The following TMEM181 variants were observed in gnomAD, a reference collection of about 807,000 sequenced individuals.
TMEM181 encodes transmembrane protein 181.
In TMEM181, 39 loss-of-function variants were observed where a neutral mutation model predicts 71.9. The observed-to-expected ratio is 0.54, with a 90% confidence interval of 0.42 to 0.71. The LOEUF is 0.71. Ranked by LOEUF, TMEM181 falls within the 30% of genes least tolerant of loss-of-function variation. The probability of loss-of-function intolerance (pLI) is 0.00; values close to 1 mark genes in which losing one functional copy is unlikely to be tolerated. For missense variants in TMEM181, 595 were observed against 583.0 expected (o/e 1.02, Z -0.21); for synonymous variants, 245 against 228.8 (o/e 1.07, Z -0.64).
intron 1 of TMEM181, among the ~76,000 whole-genome samples, chr6:158,563,301 G>A (rs575283442): frequency 6.6e-6 from 1 of 152,250 alleles, no homozygotes; most frequent in African/African-American, 2.4e-5. Context: ...GTGCCACCAT[G>A]CCCGGCTAAT....
At chr6:158,619,737 T>A (rs910078089) in intron 10 of TMEM181, among the ~76,000 whole-genome samples, 3 of 151,884 alleles carry the variant, frequency 2.0e-5, no homozygotes, top group African/African-American at 7.3e-5. Flanking sequence ...GGCGTGATGG[T>A]ACACACCTGT....
intron 10 of TMEM181, among the ~76,000 whole-genome samples, chr6:158,618,280 A>T (rs1297459871): frequency 6.6e-6 from 1 of 151,926 alleles, no homozygotes; most frequent in African/African-American, 2.4e-5. Context: ...AGTTTGTTTT[A>T]TCAGAGACTA....
At chr6:158,626,614 C>G (rs934783650) in intron 13 of TMEM181, 3 of 456,510 alleles carry the variant, frequency 6.6e-6, no homozygotes, top group African/African-American at 6.0e-5. Context: ...GAACTCAGCT[C>G]AGACTTGGAC....
chr6:158,629,948 G>C, intron 15 of TMEM181, 129 bp downstream of exon 15: 3 of 777,100 alleles, frequency 3.9e-6, no homozygotes, highest in African/African-American at 3.4e-5. Context: ...TCTTGGCAGA[G>C]AGAGAGTGAG....
In TMEM181 at chr6:158,631,376, G is replaced by T. The variant is rs200013277; in HGVS notation, c.1336G>T (p.Asp446Tyr). Reference sequence around the variant, plus strand: ...CTCCATGCTGAATGACTCGGATGATGATGTGATTTATGGGTAAGTCCCTGT... The same window carrying T: ...CTCCATGCTGAATGACTCGGATGATTATGTGATTTATGGGTAAGTCCCTGT... ...AFSMLNDSDDDVIYGSDYEEM... is the reference protein window; with the variant it reads ...AFSMLNDSDDYVIYGSDYEEM... The change falls in exon 16 of 17, where the codon GAT (aspartate) becomes TAT (tyrosine). Residue 446 changes from aspartate (D) to tyrosine (Y), a missense_variant. By Grantham distance (160) the Asp-to-Tyr change is radical (BLOSUM62 -3). Transcript: ENST00000684151. 18 of 1,614,094 alleles carry T rather than the reference G, an allele frequency of 1.1e-5. No homozygotes were observed. The highest frequency in any genetic ancestry group is 2.2e-5 in the East Asian group (1 of 44,882).
intron 10 of TMEM181, among the ~76,000 whole-genome samples, chr6:158,621,983 A>AGCGCCCCTCAGAGCCAGCC (rs1785988465): frequency 6.6e-6 from 1 of 152,118 alleles, no homozygotes; most frequent in Admixed American, 6.5e-5. Context: ...AAGGGGCCCA[A>AGCGCCCCTCAGAGCCAGCC]GCGCCCCTCA....
intron 13 of TMEM181, among the ~76,000 whole-genome samples, chr6:158,627,180 ACT>A (rs1044220394): frequency 1.7e-4 from 25 of 148,880 alleles, no homozygotes; most frequent in African/African-American, 5.7e-4. Context: ...ACACACCCTC[ACT>A]CTCACACCCT....
intron 10 of TMEM181, among the ~76,000 whole-genome samples, chr6:158,614,482 A>AATTT (rs760712617): frequency 1.4e-5 from 2 of 146,466 alleles, no homozygotes; most frequent in African/African-American, 2.6e-5. Flanking sequence ...AATCCTATTT[A>AATTT]AAAAAAATTT....
At chr6:158,626,591 C>T in intron 13 of TMEM181, 1 of 456,908 alleles carries the variant, frequency 2.2e-6, no homozygotes, top group South Asian at 1.5e-5. Context: ...TCGTCCACCA[C>T]CACTAGGAGT....
chr6:158,556,269 C>T (rs1203025393), upstream of TMEM181, among the ~76,000 whole-genome samples: 1 of 152,208 alleles, frequency 6.6e-6, no homozygotes, highest in African/African-American at 2.4e-5. Flanking sequence ...CAAGCTGTGC[C>T]AGCAGAGTTC....
At chr6:158,576,652 G>C (rs764869860) in intron 2 of TMEM181, among the ~76,000 whole-genome samples, 1 of 152,066 alleles carries the variant, frequency 6.6e-6, no homozygotes, top group Non-Finnish European at 1.5e-5. Flanking sequence ...CACAGAGACA[G>C]TCTATAACAA....
intron 1 of TMEM181, among the ~76,000 whole-genome samples, chr6:158,547,901 A>G (rs1207730927): frequency 6.6e-6 from 1 of 151,264 alleles, no homozygotes; most frequent in Non-Finnish European, 1.5e-5. Context: ...AAAAAAAAAA[A>G]AAAAAAAAAA....
intron 1 of TMEM181, among the ~76,000 whole-genome samples, chr6:158,562,613 C>T (rs973144131): frequency 1.3e-5 from 2 of 152,100 alleles, no homozygotes; most frequent in Non-Finnish European, 2.9e-5. Flanking sequence ...AATTAAGTAT[C>T]CTGGAGCCCT....
intron 2 of TMEM181, among the ~76,000 whole-genome samples, chr6:158,580,182 T>C (rs986289336): frequency 6.6e-6 from 1 of 152,012 alleles, no homozygotes; most frequent in Non-Finnish European, 1.5e-5. Context: ...AATAAAAAAT[T>C]AGCCGGGCGT....
chr6:158,536,650 T>A, exon 1 of TMEM181: 1 of 1,478,068 alleles, frequency 6.8e-7, no homozygotes. Flanking sequence ...AGCAGCCCGA[T>A]CCCCAGTGCT....
chr6:158,599,049 T>G (rs1450662947), intron 6 of TMEM181, among the ~76,000 whole-genome samples: 1 of 152,164 alleles, frequency 6.6e-6, no homozygotes, highest in Non-Finnish European at 1.5e-5. Flanking sequence ...GCTGCACAGG[T>G]CGCTGTGACA....
intron 1 of TMEM181, among the ~76,000 whole-genome samples, chr6:158,560,902 C>A (rs1448747740): frequency 6.6e-6 from 1 of 151,854 alleles, no homozygotes; most frequent in Non-Finnish European, 1.5e-5. Context: ...ATCCCTAAAG[C>A]TTGCTTTTGA....
chr6:158,543,111 G>A (rs1006908361), intron 1 of TMEM181, among the ~76,000 whole-genome samples: 12 of 151,916 alleles, frequency 7.9e-5, no homozygotes, highest in South Asian at 6.2e-4. Flanking sequence ...TCCTGACCTC[G>A]TGGTCTGCTT....
intron 14 of TMEM181, among the ~76,000 whole-genome samples, chr6:158,629,114 C>T (rs1048047210): frequency 2.6e-5 from 4 of 152,270 alleles, no homozygotes; most frequent in Admixed American, 1.3e-4. Context: ...GCCCAGAAGT[C>T]GGAGAGGTTA....
Sources: allele counts gnomAD v4.1 joint callset (sites outside exome capture counted in the v4.1 genomes callset), GRCh38; gene constraint gnomAD v4.1.1; transcripts MANE v1.5; gene names NCBI Gene and HGNC (gene_info 2026-07-23, HGNC 2026-07-21).